Variants in BANK1 observed in about 807,000 individuals in gnomAD.
The protein encoded by BANK1 is B cell scaffold protein with ankyrin repeats 1.
BANK1 carries 95 observed loss-of-function variants against 94.5 expected under a neutral mutation model. That is an observed-to-expected ratio of 1.00 (90% CI 0.85 to 1.19). BANK1 has a LOEUF of 1.19. Among genes scored for constraint, BANK1 ranks in the 50% most tolerant of loss-of-function variants. The probability of loss-of-function intolerance (pLI) is 0.00; values close to 1 mark genes in which losing one functional copy is unlikely to be tolerated. For synonymous variants in BANK1, 334 were observed against 308.4 expected (o/e 1.08, Z -0.87); for missense variants, 987 against 932.2 (o/e 1.06, Z -0.77).
chr4:101,882,527 C>A (rs1399439976), intron 5 of BANK1, among the ~76,000 whole-genome samples: 1 of 152,196 alleles, frequency 6.6e-6, no homozygotes, highest in Non-Finnish European at 1.5e-5. Flanking sequence ...TAGTACCACT[C>A]TTTCAAAAGA....
intron 1 of BANK1, among the ~76,000 whole-genome samples, chr4:101,823,961 T>C (rs910254099): frequency 6.6e-6 from 1 of 152,158 alleles, no homozygotes. Context: ...CATGAGCCCA[T>C]GAAGCTCTAG....
intron 7 of BANK1, among the ~76,000 whole-genome samples, chr4:102,003,885 A>ATATACATATATGTGTGTATATATGTATG (rs1553940154): frequency 4.0e-5 from 6 of 151,348 alleles, no homozygotes; most frequent in South Asian, 2.1e-4. Context: ...TCATATATGT[A>ATATACATATATGTGTGTATATATGTATG]TATACATATA....
chr4:101,996,092 T>G (rs1725869410), intron 7 of BANK1, among the ~76,000 whole-genome samples: 1 of 151,694 alleles, frequency 6.6e-6, no homozygotes, highest in Middle Eastern at 3.2e-3. Flanking sequence ...ATCCATCTTG[T>G]ATAATTTTTG....
At chr4:102,072,443 A>C in intron 15 of BANK1, 43 bp downstream of exon 15, 1 of 1,424,182 alleles carries the variant, frequency 7.0e-7, no homozygotes, top group Non-Finnish European at 9.8e-7. Flanking sequence ...GCAAAGAAAT[A>C]ACTTCGTTAA....
At chr4:101,958,179 T>C (rs1724433379) in intron 7 of BANK1, among the ~76,000 whole-genome samples, 1 of 152,178 alleles carries the variant, frequency 6.6e-6, no homozygotes, top group African/African-American at 2.4e-5. Context: ...TGTTTGTTTA[T>C]ACTTAACCAT....
At chr4:101,981,854 C>A (rs2148927733) in intron 7 of BANK1, 1 of 152,224 alleles carries the variant, frequency 6.6e-6, no homozygotes, top group South Asian at 2.1e-4. Flanking sequence ...GTTTTGGCTG[C>A]CACAAAATAA....
chr4:101,998,661 T>TTA (rs1016893819), intron 7 of BANK1, among the ~76,000 whole-genome samples: 2 of 152,186 alleles, frequency 1.3e-5, no homozygotes, highest in Admixed American at 6.5e-5. Flanking sequence ...CCCTTTACCA[T>TTA]TATATAGTGC....
chr4:101,888,198 T>C (rs140966507), intron 5 of BANK1, among the ~76,000 whole-genome samples: 1 of 152,352 alleles, frequency 6.6e-6, no homozygotes, highest in East Asian at 1.9e-4. Flanking sequence ...TCCTTTTAGA[T>C]ACTTCTTGGC....
intron 1 of BANK1, among the ~76,000 whole-genome samples, chr4:101,809,657 T>C (rs1028920940): frequency 1.3e-5 from 2 of 152,234 alleles, no homozygotes; most frequent in Non-Finnish European, 2.9e-5. Context: ...AGAAAATTTT[T>C]CTAATGTGTT....
chr4:101,973,034 C>T (rs970874707), intron 7 of BANK1, among the ~76,000 whole-genome samples: 14 of 151,540 alleles, frequency 9.2e-5, no homozygotes. Context: ...TACAAAATCT[C>T]AGACAGGAGG....
At chr4:101,896,532 T>C (rs1722085214) in intron 6 of BANK1, among the ~76,000 whole-genome samples, 1 of 151,958 alleles carries the variant, frequency 6.6e-6, no homozygotes, top group Non-Finnish European at 1.5e-5. Flanking sequence ...AAGCCAATGG[T>C]ATGCTAACTG....
chr4:101,840,474 A>G (rs888199628), intron 2 of BANK1, among the ~76,000 whole-genome samples: 1 of 152,202 alleles, frequency 6.6e-6, no homozygotes, highest in African/African-American at 2.4e-5. Flanking sequence ...CGTGACACAC[A>G]TGCTGAAGGT....
Position 101,830,206 on chromosome 4 carries a change from G to A in BANK1, c.469G>A (p.Asp157Asn), listed in dbSNP as rs1244758982. 88 of 1,484,574 alleles carry A rather than the reference G, an allele frequency of 5.9e-5. No individual in the cohort carries two copies. Among genetic ancestry groups the A allele is most frequent in the Non-Finnish European group, 7.7e-5 (86 of 1,120,272 alleles). 92.0% of individuals were successfully genotyped at this position (1,484,574 alleles called of 1,614,324 possible). ...TGTAATCCAGAGTATCATATTCAAA[G>A]GTAGTGTTGCCAAACCTTGTTTGTT... ...ISVIQSIIFK[D>N]SEDYFEVNIP... The change falls in exon 2 of 17, where the codon GAT becomes AAT. Residue 157 changes from aspartate (D) to asparagine (N), a missense_variant and splice_region_variant. By Grantham distance (23) the Asp-to-Asn change is conservative. Coordinates refer to ENST00000322953, the MANE Select transcript of BANK1 (RefSeq NM_017935.5).
chr4:102,021,559 G>T lies in BANK1; in HGVS notation c.1252G>T (p.Glu418Ter). 1 of 1,463,524 alleles carries T rather than the reference G, an allele frequency of 6.8e-7. No homozygotes were observed. Among genetic ancestry groups the T allele is most frequent in the Non-Finnish European group, 9.2e-7 (1 of 1,086,784 alleles). 90.7% of individuals were successfully genotyped at this position (1,463,524 alleles called of 1,614,324 possible). A position where few individuals can be genotyped will look rare whatever the true frequency, so the allele number is the denominator to read the frequency against. Residue 418 changes from glutamate (E) to a stop codon, truncating the protein, a stop_gained, in exon 8 of 17, where the codon GAG becomes TAG. Coordinates refer to ENST00000322953, the MANE Select transcript of BANK1 (RefSeq NM_017935.5). LOFTEE classifies it high-confidence loss of function. ...TAATGAGCAAGAAAATGATTATGAA[G>T]AGGATATTGCCTCATTTTCCACATA... ...INNEQENDYE[E>*]DIASFSTYIP...
At chr4:101,936,062 G>A (rs1723521503) in intron 7 of BANK1, among the ~76,000 whole-genome samples, 3 of 151,268 alleles carry the variant, frequency 2.0e-5, no homozygotes. Context: ...ACCACACCAA[G>A]TTAAAAGGTT....
intron 5 of BANK1, among the ~76,000 whole-genome samples, chr4:101,892,848 G>T (rs1431637020): frequency 6.6e-6 from 1 of 151,842 alleles, no homozygotes; most frequent in Non-Finnish European, 1.5e-5. Flanking sequence ...TACATATTGT[G>T]TCTTTGAAAC....
At chr4:102,050,940 ATAG>A (rs1728027285) in intron 11 of BANK1, among the ~76,000 whole-genome samples, 1 of 152,188 alleles carries the variant, frequency 6.6e-6, no homozygotes, top group Non-Finnish European at 1.5e-5. Context: ...AACCCCTAGT[ATAG>A]TCCCTGCCCA....
At chr4:102,004,208 A>G (rs183127245) in intron 7 of BANK1, among the ~76,000 whole-genome samples, 66 of 152,280 alleles carry the variant, frequency 4.3e-4, no homozygotes, top group African/African-American at 1.5e-3. Context: ...ATTGCCTGGC[A>G]CATAGTAGGT....
intron 7 of BANK1, among the ~76,000 whole-genome samples, chr4:101,924,238 C>A (rs765087442): frequency 1.3e-5 from 2 of 151,684 alleles, no homozygotes; most frequent in Non-Finnish European, 2.9e-5. Context: ...CTACTAAGCC[C>A]AGTGTGTGAG....
Sources: allele counts gnomAD v4.1 joint callset (sites outside exome capture counted in the v4.1 genomes callset), GRCh38; gene constraint gnomAD v4.1.1; transcripts MANE v1.5; gene names NCBI Gene and HGNC (gene_info 2026-07-23, HGNC 2026-07-21).